The following ADAMTS4 variants were observed in gnomAD, a reference collection of about 807,000 sequenced individuals.
ADAMTS4 encodes A disintegrin and metalloproteinase with thrombospondin motifs 4.
A neutral mutation model predicts 66.7 loss-of-function variants in ADAMTS4; 38 were observed. That is an observed-to-expected ratio of 0.57 (90% CI 0.44 to 0.75). The LOEUF (loss-of-function observed/expected upper bound fraction) is 0.75. Ranked by LOEUF, ADAMTS4 falls within the 30% of genes least tolerant of loss-of-function variation. The probability of loss-of-function intolerance (pLI) is 0.00; values close to 1 mark genes in which losing one functional copy is unlikely to be tolerated. For synonymous variants in ADAMTS4, 418 were observed against 461.5 expected, an observed-to-expected ratio of 0.91 and a Z score of 1.21; for missense variants, 1,014 against 1,116.7, an observed-to-expected ratio of 0.91 and a Z score of 1.31.
rs1242506429 is a variant in ADAMTS4 at position 161,196,738 on chromosome 1, C to T, written c.776G>A (p.Arg259His). 6 of 1,613,590 alleles carry T rather than the reference C, an allele frequency of 3.7e-6. No individual in the cohort carries two copies. In the African/African-American group the frequency reaches 5.3e-5, roughly 14 times the overall value. ...AAKAFKHPSI[R>H]NPVSLVVTRL... Reference sequence around the variant, plus strand: ...AGTCACCACCAAGCTGACAGGATTGCGGATGCTTGGGTGCTTGAAGGCCTT... The same window carrying T: ...AGTCACCACCAAGCTGACAGGATTGTGGATGCTTGGGTGCTTGAAGGCCTT... The change falls in exon 2 of 9, where the codon CGC (arginine) becomes CAC (histidine). Residue 259 changes from arginine to histidine, a missense_variant. By Grantham distance (29) the Arg-to-His change is conservative. Transcript: ENST00000367996.
rs35635728 is a variant in ADAMTS4 at position 161,187,975 on chromosome 1, AG to A, written c.*3162del. ...TTTTTTTTTTTTTTTTTTGAGATGGAGTCTCACTCTATCGCCCAGACTGGAG... is the reference window on the plus strand; with the variant it reads ...TTTTTTTTTTTTTTTTTTGAGATGGATCTCACTCTATCGCCCAGACTGGAG... On this transcript the variant is annotated 3_prime_UTR_variant, in exon 9 of 9. Transcript: ENST00000367996. 16,790 of 109,706 alleles carry A rather than the reference AG, an allele frequency of 0.15. 1,466 individuals carry two copies. Among genetic ancestry groups the A allele is most frequent in the East Asian group, 0.33 (1,237 of 3,704 alleles). The allele number at this position is 109,706 out of a possible 1,614,324, so 6.8% of individuals were successfully genotyped here. A position where few individuals can be genotyped will look rare whatever the true frequency, so the allele number is the denominator to read the frequency against.
chr1:161,191,203 A>T lies in ADAMTS4; in HGVS notation c.2449T>A (p.Trp817Arg), dbSNP rs1417746033. The change falls in exon 9 of 9, where the codon TGG becomes AGG. Residue 817 changes from tryptophan to arginine, a missense_variant. Coordinates refer to ENST00000367996, the MANE Select transcript of ADAMTS4 (RefSeq NM_005099.6). ...PSTPRPTPQD[W>R]LHRRAQILEI... ...AGAATCTGTGCTCTTCGGTGCAGCC[A>T]GTCCTGGGGAGTGGGGCGTGGCGTT... 23 of 1,603,116 alleles carry T rather than the reference A, an allele frequency of 1.4e-5. No homozygotes were observed. The highest frequency in any genetic ancestry group is 1.9e-5 in the Non-Finnish European group (22 of 1,171,704).
At chr1:161,195,208 T>C (rs911462292) in intron 4 of ADAMTS4, among the ~76,000 whole-genome samples, 5 of 152,174 alleles carry the variant, frequency 3.3e-5, no homozygotes, top group African/African-American at 1.2e-4. Context: ...CCCATTCCAG[T>C]GGTGGACAGT....
rs1263782206 is a variant in ADAMTS4 at position 161,193,742 on chromosome 1, G to A, written c.1633C>T (p.Arg545Ter). 6.2e-6 allele frequency: 10 copies of A among 1,614,068 alleles called. No individual in the cohort carries two copies. The highest frequency in any genetic ancestry group is 2.2e-5 in the East Asian group (1 of 44,890). The stretch of plus-strand genomic sequence containing the variant: ...CGGGGGACAGGCCTCGTGCAGTCTC[G>A]GGAGGAGAACTGGACACCACCCCCA... ...TCGGGVQFSS[R>*]DCTRPVPRNG... Residue 545 changes from arginine (R) to a stop codon, truncating the protein, a stop_gained, in exon 6 of 9, where the codon CGA becomes TGA. Coordinates refer to ENST00000367996, the MANE Select transcript of ADAMTS4 (RefSeq NM_005099.6). LOFTEE classifies it high-confidence loss of function. The surrounding 1 kb of genome is among the most constrained non-coding windows in gnomAD (Gnocchi z 4.4).
At chr1:161,196,471 A>G in intron 2 of ADAMTS4, 86 bp downstream of exon 2, 1 of 1,528,330 alleles carries the variant, frequency 6.5e-7, no homozygotes, top group Non-Finnish European at 8.9e-7. Context: ...ACACAACTCC[A>G]GGAACATCAT....
chr1:161,198,363 C>A lies in ADAMTS4; in HGVS notation c.265G>T (p.Gly89Trp). 1 of 1,613,058 alleles carries A rather than the reference C, an allele frequency of 6.2e-7. No individual in the cohort carries two copies. The highest frequency in any genetic ancestry group is 8.5e-7 in the Non-Finnish European group (1 of 1,179,856). The part of the protein sequence containing the change: ...ARLLCRLQAF[G>W]ETLLLELEQD... ...TCCAGCTCTAGTAGCAGCGTCTCCC[C>A]AAAGGCCTGCAAGCGGCACAACAGC... Residue 89 changes from glycine to tryptophan, a missense_variant, in exon 1 of 9, where the codon GGG becomes TGG. Transcript: ENST00000367996. This position sits in a 1 kb window ranked among gnomAD's most constrained non-coding sequence, Gnocchi z 4.7.
At chr1:161,192,640 C>T (rs1364283079) in intron 7 of ADAMTS4, among the ~76,000 whole-genome samples, 1 of 152,134 alleles carries the variant, frequency 6.6e-6, no homozygotes, top group African/African-American at 2.4e-5. Flanking sequence ...CTGGTCCCAG[C>T]ACCAAGCCCT....
At position 161,190,943 on chromosome 1, in the gene ADAMTS4, T is replaced by C; in HGVS notation, c.*195A>G. 3.4e-6 allele frequency: 2 copies of C among 585,272 alleles called. No individual in the cohort carries two copies. The highest frequency in any genetic ancestry group is 5.7e-6 in the Non-Finnish European group (2 of 350,658). The allele number at this position is 585,272 out of a possible 1,614,324, so 36.3% of individuals were successfully genotyped here. A position where few individuals can be genotyped will look rare whatever the true frequency, so the allele number is the denominator to read the frequency against. ...CTGTCTGTCAGCCCCTTCCATCCAC[T>C]AACCCATCACTGCCTCCCAGGGCAG... On this transcript the variant is annotated 3_prime_UTR_variant, in exon 9 of 9. Coordinates refer to ENST00000367996, the MANE Select transcript of ADAMTS4 (RefSeq NM_005099.6).
chr1:161,195,709 G>T, intron 3 of ADAMTS4, 74 bp from the exon 4 acceptor site: 2 of 1,447,894 alleles, frequency 1.4e-6, no homozygotes, highest in South Asian at 2.7e-5. Context: ...AATAAATCTG[G>T]CTGCAGCTGT....
At position 161,193,941 on chromosome 1, in the gene ADAMTS4, G is replaced by A. The variant is rs768543010; in HGVS notation, c.1542C>T (p.Asp514=). The change falls in exon 5 of 9, where the codon GAC becomes GAT. Residue 514 remains aspartate, a synonymous_variant. Coordinates refer to ENST00000367996, the MANE Select transcript of ADAMTS4 (RefSeq NM_005099.6). The surrounding 1 kb of genome is among the most constrained non-coding windows in gnomAD (Gnocchi z 4.4). Reference sequence around the variant, plus strand: ...CCCTGCCCTAGGATCTCACATTGAAGTCCTGGAGCTGGTCCATGTGGAGGC... The same window carrying A: ...CCCTGCCCTAGGATCTCACATTGAAATCCTGGAGCTGGTCCATGTGGAGGC... ...GRCLHMDQLQ[D]FNIPQAGGWG... 2.8e-5 allele frequency: 45 copies of A among 1,579,046 alleles called. No individual in the cohort carries two copies. Among genetic ancestry groups the A allele is most frequent in the Non-Finnish European group, 3.8e-5 (44 of 1,159,624 alleles).
Position 161,190,920 on chromosome 1 carries a change from G to T in ADAMTS4, c.*218C>A. On this transcript the variant is annotated 3_prime_UTR_variant, in exon 9 of 9. Coordinates refer to ENST00000367996, the MANE Select transcript of ADAMTS4 (RefSeq NM_005099.6). ...GAGGGGGCAGTTTAGATGGAGGGCT[G>T]TCTGTCAGCCCCTTCCATCCACTAA... 1 of 509,652 alleles carries T rather than the reference G, an allele frequency of 2.0e-6. No individual in the cohort carries two copies. Among genetic ancestry groups the T allele is most frequent in the Non-Finnish European group, 3.4e-6 (1 of 294,934 alleles). The allele number at this position is 509,652 out of a possible 1,614,324, so 31.6% of individuals were successfully genotyped here. A position where few individuals can be genotyped will look rare whatever the true frequency, so the allele number is the denominator to read the frequency against.
chr1:161,190,991 G>T lies in ADAMTS4; in HGVS notation c.*147C>A. ...CAGGAAACCAGGGCAGGGCCAGCCT[G>T]CGCATTAGGGCAGAGAGGAGGGGCA... is the stretch of plus-strand genomic sequence containing the variant. On this transcript the variant is annotated 3_prime_UTR_variant, in exon 9 of 9. Transcript: ENST00000367996. 2 of 930,120 alleles carry T rather than the reference G, an allele frequency of 2.2e-6. No individual in the cohort carries two copies. The highest frequency in any genetic ancestry group is 3.1e-6 in the Non-Finnish European group (2 of 645,008). The allele number at this position is 930,120 out of a possible 1,614,324, so 57.6% of individuals were successfully genotyped here.
At chr1:161,196,139 C>A in intron 3 of ADAMTS4, 32 bp downstream of exon 3, 1 of 1,564,270 alleles carries the variant, frequency 6.4e-7, no homozygotes, top group Non-Finnish European at 8.7e-7. Context: ...CCTTCTCCTC[C>A]CTAATACCTT....
chr1:161,193,687 C>T lies in ADAMTS4; in HGVS notation c.1688G>A (p.Arg563His), dbSNP rs142207487. Residue 563 changes from arginine to histidine, a missense_variant, in exon 6 of 9, where the codon CGT (arginine) becomes CAT (histidine). Transcript: ENST00000367996. The surrounding 1 kb of genome is among the most constrained non-coding windows in gnomAD (Gnocchi z 4.4). ...RNGGKYCEGR[R>H]TRFRSCNTED... ...AGTGTTGCAGGAGCGGAAGCGGGTA[C>T]GGCGGCCCTCACAGTACTTGCCACC... 8.9e-5 allele frequency: 144 copies of T among 1,613,818 alleles called. No homozygotes were observed. The African/African-American group carries it at 1.2e-3, about 13-fold the overall frequency.
chr1:161,193,593 T>C lies in ADAMTS4; in HGVS notation c.1735+47A>G. ...CTTGCACTCAAGGGACAGTCCTTCC[T>C]GCTCTACTGTCCCCTCCCAAGGGCT... On this transcript the variant is annotated intron_variant, in intron 6 of 8. Transcript: ENST00000367996. This position sits in a 1 kb window ranked among gnomAD's most constrained non-coding sequence, Gnocchi z 4.4. The C allele has an allele frequency of 6.4e-7, 1 of 1,567,830 alleles. No homozygotes were observed. Among genetic ancestry groups the C allele is most frequent in the South Asian group, 1.2e-5 (1 of 83,400 alleles).
Position 161,193,534 on chromosome 1 carries a change from C to T in ADAMTS4, c.1735+106G>A, listed in dbSNP as rs1295029094. 43 of 1,518,022 alleles carry T rather than the reference C, an allele frequency of 2.8e-5. No homozygotes were observed. Among genetic ancestry groups the T allele is most frequent in the Admixed American group, 3.8e-5 (2 of 53,252 alleles). The allele number at this position is 1,518,022 out of a possible 1,614,324, so 94.0% of individuals were successfully genotyped here. A position where few individuals can be genotyped will look rare whatever the true frequency, so the allele number is the denominator to read the frequency against. On this transcript the variant is annotated intron_variant, in intron 6 of 8. Transcript: ENST00000367996. The surrounding 1 kb of genome is among the most constrained non-coding windows in gnomAD (Gnocchi z 4.4). ...CAATTCCCAGAGGTTAAAGGCACTC[C>T]CCACAGCAGCAGGGGAATCAACACC...
chr1:161,192,772 C>T (rs1406846308), intron 7 of ADAMTS4, among the ~76,000 whole-genome samples: 1 of 152,164 alleles, frequency 6.6e-6, no homozygotes, highest in African/African-American at 2.4e-5. Context: ...CAGCCTTCAA[C>T]CCACCACCCT....
Position 161,193,788 on chromosome 1 carries a change from C to T in ADAMTS4, c.1587G>A (p.Trp529Ter), listed in dbSNP as rs751931596. Residue 529 changes from tryptophan (W) to a stop codon, truncating the protein, a stop_gained, in exon 6 of 9, where the codon TGG (tryptophan) becomes TGA (stop). Transcript: ENST00000367996. LOFTEE classifies it high-confidence loss of function. This position sits in a 1 kb window ranked among gnomAD's most constrained non-coding sequence, Gnocchi z 4.4. ...CCCCACAGGTCCGAGAGCAGTCACCCCATGGTCCCCAAGGACCCCAGCCAC... is the reference window on the plus strand; with the variant it reads ...CCCCACAGGTCCGAGAGCAGTCACCTCATGGTCCCCAAGGACCCCAGCCAC... ...QAGGWGPWGP[W>*]GDCSRTCGGG... 1 of 1,612,082 alleles carries T rather than the reference C, an allele frequency of 6.2e-7. No individual in the cohort carries two copies. Among genetic ancestry groups the T allele is most frequent in the Admixed American group, 1.7e-5 (1 of 59,842 alleles).
chr1:161,195,765 C>A, intron 3 of ADAMTS4, 130 bp from the exon 4 acceptor site: 1 of 869,168 alleles, frequency 1.2e-6, no homozygotes, highest in Non-Finnish European at 1.7e-6. Context: ...CCAGTCCTTT[C>A]CTTTATGGTA....
Sources: allele counts gnomAD v4.1 joint callset (sites outside exome capture counted in the v4.1 genomes callset), GRCh38; gene constraint gnomAD v4.1.1; non-coding constraint Gnocchi (gnomAD v3.1); transcripts MANE v1.5; gene names NCBI Gene and HGNC (gene_info 2026-07-23, HGNC 2026-07-21).